DAB1: variants seen among roughly 807,000 people sequenced by gnomAD.
DAB1 encodes DAB adaptor protein 1.
DAB1 carries 15 observed loss-of-function variants against 64.6 expected under a neutral mutation model. The ratio of observed to expected loss-of-function variants is 0.23; its 90% CI spans 0.16 to 0.36. DAB1 has a LOEUF of 0.36. Ranked by LOEUF, DAB1 falls within the 10% of genes least tolerant of loss-of-function variation. DAB1 has a pLI of 1.00. For missense variants in DAB1, 596 were observed against 706.7 expected, an observed-to-expected ratio of 0.84 and a Z score of 1.78; for synonymous variants, 235 against 251.9, an observed-to-expected ratio of 0.93 and a Z score of 0.64.
intron 1 of DAB1, chr1:57,878,333 T>A (rs1470100305): frequency 6.6e-6 from 1 of 152,164 alleles, no homozygotes; most frequent in Non-Finnish European, 1.5e-5. Context: ...GACTGAAGAG[T>A]TATGAAGTCA....
At chr1:58,197,892 G>A (rs1223951282) in intron 4 of DAB1, among the ~76,000 whole-genome samples, 2 of 152,110 alleles carry the variant, frequency 1.3e-5, no homozygotes, top group Non-Finnish European at 2.9e-5. Context: ...AGTTCAACAT[G>A]AATGCATTAA....
At chr1:57,411,052 C>T (rs1314614211) in intron 1 of DAB1, among the ~76,000 whole-genome samples, 4 of 152,042 alleles carry the variant, frequency 2.6e-5, no homozygotes, top group African/African-American at 4.8e-5. Context: ...AGTGAACTTA[C>T]GGAAAGATTA....
chr1:57,339,806 T>G (rs1402036912), intron 1 of DAB1, among the ~76,000 whole-genome samples: 4 of 152,234 alleles, frequency 2.6e-5, no homozygotes, highest in Admixed American at 1.3e-4. Context: ...CTTCACAATA[T>G]AGTTATGACA....
chr1:57,737,652 G>A (rs1354812285), intron 6 of DAB1, among the ~76,000 whole-genome samples: 2 of 152,182 alleles, frequency 1.3e-5, no homozygotes, highest in Non-Finnish European at 2.9e-5. Flanking sequence ...TTCCTGGAGT[G>A]TCTTTAATGG....
chr1:58,367,749 T>C (rs992686533), intron 3 of DAB1, among the ~76,000 whole-genome samples: 1 of 152,168 alleles, frequency 6.6e-6, no homozygotes, highest in Non-Finnish European at 1.5e-5. Context: ...ATCTTGGAAC[T>C]AGGCGTCCAT....
In DAB1 at chr1:58,106,208, C is replaced by T. The variant is rs147926576; in HGVS notation, n.387+44303G>A. On this transcript the variant is annotated intron_variant and non_coding_transcript_variant, in intron 5 of 20. Transcript: ENST00000485760. ...TCTCTCTTTCATAGAAACTGAGTCTCGCTCTGTTGCCCAGGCTGGAGTGCA... is the reference window on the plus strand; with the variant it reads ...TCTCTCTTTCATAGAAACTGAGTCTTGCTCTGTTGCCCAGGCTGGAGTGCA... 3.7e-3 allele frequency among the ~76,000 whole-genome samples: 556 copies of T among 151,498 alleles called. 4 individuals carry two copies. Among genetic ancestry groups the T allele is most frequent in the African/African-American group, 0.013 (540 of 41,262 alleles).
intron 6 of DAB1, among the ~76,000 whole-genome samples, chr1:57,735,211 G>A (rs1255301223): frequency 4.6e-5 from 7 of 152,130 alleles, no homozygotes; most frequent in African/African-American, 1.2e-4. Flanking sequence ...TTGAAAAGAC[G>A]ACTGCCTTTG....
chr1:57,692,191 G>A (rs1294064679), intron 6 of DAB1, among the ~76,000 whole-genome samples: 1 of 152,026 alleles, frequency 6.6e-6, no homozygotes, highest in Non-Finnish European at 1.5e-5. Flanking sequence ...TGCCTCCTGG[G>A]TCCTAATGCC....
chr1:58,091,935 A>AACACACACACACAC (rs59390109), intron 5 of DAB1, among the ~76,000 whole-genome samples: 2,402 of 141,850 alleles, frequency 0.017, 51 homozygotes, highest in African/African-American at 0.049. Flanking sequence ...AGCTGCATTA[A>AACACACACACACAC]ACACACACAC....
intron 7 of DAB1, among the ~76,000 whole-genome samples, chr1:57,560,766 T>C (rs1385947296): frequency 1.3e-5 from 2 of 152,174 alleles, no homozygotes; most frequent in African/African-American, 2.4e-5. Flanking sequence ...GGGATGCTGT[T>C]TGGAGCTTTT....
At chr1:57,340,491 C>T (rs1677482337) in intron 1 of DAB1, among the ~76,000 whole-genome samples, 2 of 152,270 alleles carry the variant, frequency 1.3e-5, no homozygotes, top group East Asian at 1.9e-4. Context: ...TTGAATTGAT[C>T]GGGCAGCCAT....
At chr1:57,690,602 C>T (rs995473069) in intron 6 of DAB1, among the ~76,000 whole-genome samples, 1 of 152,132 alleles carries the variant, frequency 6.6e-6, no homozygotes, top group African/African-American at 2.4e-5. Flanking sequence ...TTATAAATTA[C>T]TCAGTCTCAG....
intron 4 of DAB1, among the ~76,000 whole-genome samples, chr1:58,298,703 G>C (rs1662048298): frequency 6.6e-6 from 1 of 152,230 alleles, no homozygotes; most frequent in African/African-American, 2.4e-5. Context: ...CAAATGCTCT[G>C]ATGGGGGCAT....
chr1:57,316,427 T>G (rs957062528), intron 1 of DAB1, among the ~76,000 whole-genome samples: 59 of 152,154 alleles, frequency 3.9e-4, no homozygotes, highest in African/African-American at 1.4e-3. Flanking sequence ...AATGAAGATT[T>G]TATTTTCTCT....
chr1:58,359,848 C>T (rs946342574), intron 3 of DAB1, among the ~76,000 whole-genome samples: 4 of 152,142 alleles, frequency 2.6e-5, no homozygotes, highest in African/African-American at 9.7e-5. Flanking sequence ...TGAAAGTGTA[C>T]AAGTTTGGAA....
At position 57,071,497 on chromosome 1, in the gene DAB1, C is replaced by G. The variant is rs769700036; in HGVS notation, c.558+25G>C. The G allele has an allele frequency of 3.8e-6, 6 of 1,599,570 alleles. No individual in the cohort carries two copies. The South Asian group carries it at 6.9e-5, about 18-fold the overall frequency. ...GTTTATTTGAAGGCCCGATCTCCAG[C>G]GCAAGGATAAATTCACAGGTATACC... On this transcript the variant is annotated intron_variant, in intron 6 of 14. Coordinates refer to ENST00000371236, the MANE Select transcript of DAB1 (RefSeq NM_001365792.1).
chr1:58,437,039 C>T (rs922304582), intron 3 of DAB1, among the ~76,000 whole-genome samples: 1 of 152,220 alleles, frequency 6.6e-6, no homozygotes, highest in African/African-American at 2.4e-5. Flanking sequence ...CCTGCAGCCA[C>T]CCTCTGTGTA....
intron 7 of DAB1, among the ~76,000 whole-genome samples, chr1:57,556,505 T>G (rs1337585173): frequency 6.6e-6 from 1 of 152,222 alleles, no homozygotes; most frequent in Non-Finnish European, 1.5e-5. Context: ...CATTGTGGTT[T>G]TGATTTGCAT....
chr1:57,883,273 A>G (rs994196541), intron 1 of DAB1, among the ~76,000 whole-genome samples: 22 of 152,352 alleles, frequency 1.4e-4, no homozygotes, highest in Middle Eastern at 3.4e-3. Flanking sequence ...ACGTGACTTA[A>G]TCAATTCAAA....
Sources: allele counts gnomAD v4.1 joint callset (sites outside exome capture counted in the v4.1 genomes callset), GRCh38; gene constraint gnomAD v4.1.1; transcripts MANE v1.5; gene names NCBI Gene and HGNC (gene_info 2026-07-23, HGNC 2026-07-21).